LARP7: variants seen among roughly 807,000 people sequenced by gnomAD.
LARP7 encodes la-related protein 7.
In LARP7, 52 loss-of-function variants were observed where a neutral mutation model predicts 69.3. That is an observed-to-expected ratio of 0.75 (90% CI 0.60 to 0.95). The LOEUF (loss-of-function observed/expected upper bound fraction) is 0.95, where lower values mean the gene tolerates loss of function less well. Among genes scored for constraint, LARP7 ranks in the 40% least tolerant of loss-of-function variants. The pLI is 0.00. For missense variants in LARP7, 733 were observed against 673.0 expected, an observed-to-expected ratio of 1.09 and a Z score of -0.99; for synonymous variants, 254 against 215.9, an observed-to-expected ratio of 1.18 and a Z score of -1.55.
intron 10 of LARP7, among the ~76,000 whole-genome samples, chr4:112,652,301 C>T (rs566353014): frequency 2.1e-5 from 3 of 141,570 alleles, no homozygotes; most frequent in East Asian, 4.7e-4. Context: ...TTTCCCCCCC[C>T]CCCCCATTTA....
intron 8 of LARP7, chr4:112,648,462 T>G (rs767140760): frequency 1.9e-6 from 1 of 534,062 alleles, no homozygotes; most frequent in Non-Finnish European, 3.9e-6. Context: ...GCGTGTTCTA[T>G]TTTGGAGAAG....
At chr4:112,652,100 C>T (rs1207761841) in intron 10 of LARP7, among the ~76,000 whole-genome samples, 1 of 151,472 alleles carries the variant, frequency 6.6e-6, no homozygotes, top group Non-Finnish European at 1.5e-5. Flanking sequence ...TCTAGAAACT[C>T]ACAGATTTTA....
chr4:112,649,655 AC>A lies in LARP7; in HGVS notation c.1265del (p.Pro422LeufsTer6). On this transcript the variant is annotated frameshift_variant, in exon 9 of 13. Transcript: ENST00000344442. LOFTEE classifies it high-confidence loss of function. The part of the protein sequence containing the change: ...ESEMETDSGV[P>X]QNTGMKNEKT... ...CAGAAATGGAAACAGACAGTGGAGT[AC>A]CTCAAAACACTGGAATGAAAAATGA... The A allele has an allele frequency of 6.2e-7, 1 of 1,600,724 alleles. No homozygotes were observed. The highest frequency in any genetic ancestry group is 1.1e-5 in the South Asian group (1 of 88,990).
chr4:112,657,320 A>T lies in LARP7; in HGVS notation c.1742A>T (p.Tyr581Phe). The stretch of plus-strand genomic sequence containing the variant: ...AGTAAACATATAAGATTTTCTGAAT[A>T]TGATTGAAAAAAAAAACAGTTCACC... ...QASKHIRFSE[Y>F]D The change falls in exon 13 of 13, where the codon TAT (tyrosine) becomes TTT (phenylalanine). Residue 581 changes from tyrosine (Y) to phenylalanine (F), a missense_variant. Coordinates refer to ENST00000344442, the MANE Select transcript of LARP7 (RefSeq NM_016648.4). The T allele has an allele frequency of 6.4e-7, 1 of 1,560,112 alleles. No individual in the cohort carries two copies. The highest frequency in any genetic ancestry group is 8.7e-7 in the Non-Finnish European group (1 of 1,143,882).
At chr4:112,652,469 C>A (rs1340701228) in intron 10 of LARP7, among the ~76,000 whole-genome samples, 1 of 152,092 alleles carries the variant, frequency 6.6e-6, no homozygotes, top group Non-Finnish European at 1.5e-5. Flanking sequence ...GCCCTCACAG[C>A]AGGCAGTGTA....
chr4:112,640,979 GGTT>G (rs1033611874), intron 1 of LARP7, among the ~76,000 whole-genome samples: 3 of 152,320 alleles, frequency 2.0e-5, no homozygotes, highest in Admixed American at 6.5e-5. Flanking sequence ...ACGAAAAGAT[GGTT>G]GTTATGTTTG....
intron 1 of LARP7, chr4:112,644,431 C>G: frequency 1.8e-6 from 2 of 1,131,334 alleles, no homozygotes; most frequent in Non-Finnish European, 2.3e-6. Context: ...CTAGGATAAT[C>G]TGGCCCTGTG....
rs182841086 is a variant in LARP7 at position 112,649,097 on chromosome 4, T to G, written c.1143-438T>G. ...AAATGTATGTAAATAAATAGATTGC[T>G]TCCACGGGGTGTTTTGTTCTACTTA... On this transcript the variant is annotated intron_variant, in intron 8 of 12. Transcript: ENST00000344442. Among the ~76,000 whole-genome samples the G allele has an allele frequency of 3.0e-4, 45 of 152,280 alleles. 1 individual carries two copies. In the East Asian group the frequency reaches 7.7e-3, roughly 26 times the overall value.
chr4:112,656,438 T>C (rs1264255164), intron 12 of LARP7, among the ~76,000 whole-genome samples: 1 of 151,896 alleles, frequency 6.6e-6, no homozygotes, highest in Non-Finnish European at 1.5e-5. Context: ...CACAAGTAAA[T>C]TAAATTAGTG....
intron 9 of LARP7, 114 bp from the exon 10 acceptor site, chr4:112,650,347 C>T (rs111474331): frequency 0.026 from 25,084 of 975,644 alleles, 432 homozygotes; most frequent in Non-Finnish European, 0.03. Flanking sequence ...AAATTAAATA[C>T]GTTTTAAATT....
chr4:112,653,959 T>G (rs1421714920), intron 11 of LARP7, 109 bp from the exon 12 acceptor site: 2 of 785,568 alleles, frequency 2.5e-6, no homozygotes, highest in Non-Finnish European at 4.3e-6. Context: ...TAGCATTAAA[T>G]ATAATCAAAA....
At chr4:112,649,509 T>G (rs2048603417) in intron 8 of LARP7, 26 bp from the exon 9 acceptor site, 2 of 1,549,344 alleles carry the variant, frequency 1.3e-6, no homozygotes, top group African/African-American at 1.4e-5. Context: ...TTTAGTCATC[T>G]GTTATCACCA....
chr4:112,640,423 C>T (rs1205792237), intron 1 of LARP7, among the ~76,000 whole-genome samples: 1 of 152,072 alleles, frequency 6.6e-6, no homozygotes. Flanking sequence ...AATTCCAGGC[C>T]GGCCATGGTA....
In LARP7 at chr4:112,647,231, C is replaced by G; in HGVS notation, c.679C>G (p.Arg227Gly). The G allele has an allele frequency of 2.5e-6, 4 of 1,595,932 alleles. No individual in the cohort carries two copies. The highest frequency in any genetic ancestry group is 1.7e-4 in the Middle Eastern group (1 of 5,950). Residue 227 changes from arginine to glycine, a missense_variant, in exon 7 of 13, where the codon CGA becomes GGA. By Grantham distance (125) the Arg-to-Gly change is moderately radical. Transcript: ENST00000344442. ...EKKKKKKKKG[R>G]MKKEDNIQAK... is the part of the protein sequence containing the mutation. ...GAAAAAGAAAAAGAAGAAGAAAGGC[C>G]GAATGAAAAAGGAAGACAATATCCA...
chr4:112,646,921 T>C lies in LARP7; in HGVS notation c.518T>C (p.Phe173Ser). Residue 173 changes from phenylalanine (F) to serine (S), a missense_variant, in exon 5 of 13, where the codon TTT becomes TCT. Physicochemically the swap from Phe to Ser is radical, Grantham distance 155 (BLOSUM62 -2). Coordinates refer to ENST00000344442, the MANE Select transcript of LARP7 (RefSeq NM_016648.4). Reference sequence around the variant, plus strand: ...CCAAAGGGATTTGCGTTTGTGGAATTTGAAACAAAAGAACAAGCAGCAAAA... The same window carrying C: ...CCAAAGGGATTTGCGTTTGTGGAATCTGAAACAAAAGAACAAGCAGCAAAA... ...GDPKGFAFVE[F>S]ETKEQAAKAI... 1 of 1,607,940 alleles carries C rather than the reference T, an allele frequency of 6.2e-7. No homozygotes were observed.
chr4:112,650,534 T>C lies in LARP7; in HGVS notation c.1368T>C (p.Ile456=), dbSNP rs1210260393. ...GACCACAGTTCGTGAGTGGAGTGAT[T>C]GTGAAGATCATTAGCACAGAGCCTC... ...ATGPQFVSGV[I]VKIISTEPLP... Residue 456 remains isoleucine, a synonymous_variant, in exon 10 of 13, where the codon ATT becomes ATC. Transcript: ENST00000344442. 2 of 1,613,694 alleles carry C rather than the reference T, an allele frequency of 1.2e-6. No individual in the cohort carries two copies. The highest frequency in any genetic ancestry group is 1.3e-5 in the African/African-American group (1 of 74,908).
At chr4:112,655,213 C>G (rs2048908803) in intron 12 of LARP7, 1 of 152,116 alleles carries the variant, frequency 6.6e-6, no homozygotes, top group Non-Finnish European at 1.5e-5. Context: ...TGAGATTATT[C>G]AAATGTTAAA....
chr4:112,657,150 A>G, intron 12 of LARP7, 97 bp from the exon 13 acceptor site: 1 of 524,748 alleles, frequency 1.9e-6, no homozygotes, highest in Non-Finnish European at 3.1e-6. Context: ...ATAGCTGTGA[A>G]ATTTTTTCTA....
rs55791980 is a variant in LARP7, at chr4:112,657,445, T to C, written c.*118T>C. 0.012 allele frequency: 5,286 copies of C among 448,410 alleles called. 46 individuals carry two copies. The highest frequency in any genetic ancestry group is 0.014 in the Non-Finnish European group (3,730 of 258,602). 27.8% of individuals were successfully genotyped at this position (448,410 alleles called of 1,614,324 possible). A position where few individuals can be genotyped will look rare whatever the true frequency, so the allele number is the denominator to read the frequency against. On this transcript the variant is annotated 3_prime_UTR_variant, in exon 13 of 13. Transcript: ENST00000344442. The stretch of plus-strand genomic sequence containing the variant: ...GTGTTTTTAATTAAAAGAAATATCT[T>C]TGTTCCTCAACTTGTAAATAAGACT...
Sources: gnomAD v4.1 joint callset for allele counts (sites outside exome capture counted in the v4.1 genomes callset) on GRCh38, gnomAD v4.1.1 for gene constraint, MANE v1.5 for transcripts, NCBI Gene and HGNC (gene_info 2026-07-23, HGNC 2026-07-21) for gene names.